Variants in CCDC102B observed in about 807,000 individuals in gnomAD.
CCDC102B encodes the protein coiled-coil domain containing 102B.
CCDC102B carries 75 observed loss-of-function variants against 57.4 expected under a neutral mutation model. That is an observed-to-expected ratio of 1.31 (90% CI 1.08 to 1.58). The LOEUF is 1.58. Among genes scored for constraint, CCDC102B ranks in the 40% most tolerant of loss-of-function variants. The pLI, the probability that CCDC102B is intolerant of heterozygous loss-of-function variation, is 0.00. For missense variants in CCDC102B, 636 were observed against 582.6 expected (o/e 1.09, Z -0.94); for synonymous variants, 206 against 201.9 (o/e 1.02, Z -0.17).
chr18:69,030,547 G>A (rs2052111239), intron 7 of CCDC102B, among the ~76,000 whole-genome samples: 1 of 152,098 alleles, frequency 6.6e-6, no homozygotes, highest in Non-Finnish European at 1.5e-5. Flanking sequence ...CTTGCACTTT[G>A]GGAATCTTTT....
intron 2 of CCDC102B, among the ~76,000 whole-genome samples, chr18:68,759,325 T>TAACACAATAATC (rs2034174129): frequency 6.6e-6 from 1 of 152,124 alleles, no homozygotes; most frequent in Non-Finnish European, 1.5e-5. Context: ...TATAGGAACT[T>TAACACAATAATC]AAAGAAATGA....
intron 6 of CCDC102B, among the ~76,000 whole-genome samples, chr18:68,909,328 CA>C (rs2145064383): frequency 6.6e-6 from 1 of 152,188 alleles, no homozygotes; most frequent in African/African-American, 2.4e-5. Flanking sequence ...ATTTTTATTT[CA>C]AAACAGTTAT....
chr18:68,881,062 G>C (rs909435946), intron 5 of CCDC102B, among the ~76,000 whole-genome samples: 1 of 152,138 alleles, frequency 6.6e-6, no homozygotes, highest in Non-Finnish European at 1.5e-5. Context: ...TTGCTTTACT[G>C]AAGAAATAAC....
intron 5 of CCDC102B, among the ~76,000 whole-genome samples, chr18:68,894,220 A>C (rs2040169804): frequency 6.6e-6 from 1 of 152,000 alleles, no homozygotes. Flanking sequence ...ATAAATATTC[A>C]TTCAGTAAGT....
intron 7 of CCDC102B, among the ~76,000 whole-genome samples, chr18:69,052,062 A>G (rs1001290260): frequency 2.0e-5 from 3 of 151,984 alleles, no homozygotes; most frequent in African/African-American, 4.8e-5. Context: ...AATGAAAAAA[A>G]AATGATAAAC....
intron 4 of CCDC102B, among the ~76,000 whole-genome samples, chr18:68,873,573 C>T (rs887273356): frequency 1.3e-5 from 2 of 151,992 alleles, no homozygotes; most frequent in African/African-American, 4.8e-5. Flanking sequence ...ACATGGTTCC[C>T]TTTTCTGTAG....
intron 6 of CCDC102B, among the ~76,000 whole-genome samples, chr18:69,006,052 C>T (rs1400879458): frequency 6.6e-6 from 1 of 151,366 alleles, no homozygotes; most frequent in Non-Finnish European, 1.5e-5. Context: ...TTTTTTTTAC[C>T]ATTAAAGCAT....
intron 2 of CCDC102B, among the ~76,000 whole-genome samples, chr18:68,766,845 TA>T (rs2144603930): frequency 6.6e-6 from 1 of 152,302 alleles, no homozygotes; most frequent in South Asian, 2.1e-4. Context: ...GTTTGGGAAT[TA>T]AAAGAAAATG....
intron 6 of CCDC102B, among the ~76,000 whole-genome samples, chr18:68,918,200 A>G (rs543643127): frequency 4.5e-4 from 69 of 152,320 alleles, no homozygotes; most frequent in Non-Finnish European, 7.4e-4. Flanking sequence ...ATAAATCTCA[A>G]CTTTATCAAG....
In CCDC102B at chr18:68,837,330, A is replaced by T; in HGVS notation, c.567A>T (p.Val189=). The T allele has an allele frequency of 1.2e-6, 2 of 1,610,362 alleles. No homozygotes were observed. Among genetic ancestry groups the T allele is most frequent in the Non-Finnish European group, 8.5e-7 (1 of 1,178,536 alleles). The part of the protein sequence containing the change: ...QMHESIREYL[V]KRQFSTKEDT... ...ATGAGTCTATCAGAGAGTATTTGGT[A>T]AAAAGACAATTTTCTACAAAGGAGG... Residue 189 remains valine, a synonymous_variant, in exon 2 of 8, where the codon GTA becomes GTT. Transcript: ENST00000360242.
chr18:68,907,458 T>G (rs2145057705), intron 6 of CCDC102B, among the ~76,000 whole-genome samples: 1 of 152,332 alleles, frequency 6.6e-6, no homozygotes, highest in African/African-American at 2.4e-5. Flanking sequence ...TATATTTGTG[T>G]CTTTTTATTT....
At chr18:68,972,390 G>A (rs1341242492) in intron 6 of CCDC102B, among the ~76,000 whole-genome samples, 1 of 151,568 alleles carries the variant, frequency 6.6e-6, no homozygotes, top group Admixed American at 6.6e-5. Flanking sequence ...ATCTGATTGC[G>A]AGGGAAACCT....
chr18:68,913,669 AAAGC>A (rs1219315729), intron 6 of CCDC102B, among the ~76,000 whole-genome samples: 1 of 147,442 alleles, frequency 6.8e-6, no homozygotes, highest in Non-Finnish European at 1.5e-5. Flanking sequence ...GAAAAAAAAA[AAAGC>A]AAAAACAAAG....
chr18:68,899,822 A>G (rs543486618), intron 6 of CCDC102B: 1 of 152,260 alleles, frequency 6.6e-6, no homozygotes, highest in East Asian at 1.9e-4. Context: ...GGTATAGAGA[A>G]TGCATTTTTA....
chr18:68,746,086 C>T (rs760406525), intron 2 of CCDC102B, among the ~76,000 whole-genome samples: 3 of 152,096 alleles, frequency 2.0e-5, no homozygotes, highest in Non-Finnish European at 4.4e-5. Flanking sequence ...ATTGTTATTA[C>T]TAATTTATAG....
At chr18:68,950,636 A>G (rs1329244324) in intron 6 of CCDC102B, among the ~76,000 whole-genome samples, 3 of 152,082 alleles carry the variant, frequency 2.0e-5, no homozygotes, top group East Asian at 1.9e-4. Context: ...CCCTTGGTTC[A>G]TTAGATTATG....
At chr18:68,833,596 A>G (rs566739653) in intron 1 of CCDC102B, among the ~76,000 whole-genome samples, 8 of 152,172 alleles carry the variant, frequency 5.3e-5, no homozygotes, top group Non-Finnish European at 1.0e-4. Context: ...GGCCCATGCT[A>G]TTCTTGTCTC....
chr18:68,906,404 G>T (rs925553064), intron 6 of CCDC102B, among the ~76,000 whole-genome samples: 13 of 152,296 alleles, frequency 8.5e-5, no homozygotes, highest in African/African-American at 3.1e-4. Context: ...TCGCCAAATT[G>T]TATTCCATAA....
At chr18:68,892,116 T>C (rs2040100341) in intron 5 of CCDC102B, among the ~76,000 whole-genome samples, 2 of 152,228 alleles carry the variant, frequency 1.3e-5, no homozygotes, top group African/African-American at 2.4e-5. Context: ...ATTTGTCTTA[T>C]GATTCTTTGA....
Sources: gnomAD v4.1 joint callset for allele counts (sites outside exome capture counted in the v4.1 genomes callset) on GRCh38, gnomAD v4.1.1 for gene constraint, MANE v1.5 for transcripts, NCBI Gene and HGNC (gene_info 2026-07-23, HGNC 2026-07-21) for gene names.